AMPH: variants seen among roughly 807,000 people sequenced by gnomAD.
AMPH encodes the protein amphiphysin (Stiff-Mann syndrome with breast cancer 128kD autoantigen).
In AMPH, 49 loss-of-function variants were observed where a neutral mutation model predicts 99.1. That is an observed-to-expected ratio of 0.49 (90% CI 0.39 to 0.63). The LOEUF (loss-of-function observed/expected upper bound fraction) is 0.63. Ranked by LOEUF, AMPH falls within the 20% of genes least tolerant of loss-of-function variation. The probability of loss-of-function intolerance (pLI) is 0.00; values close to 1 mark genes in which losing one functional copy is unlikely to be tolerated. For synonymous variants in AMPH, 314 were observed against 317.3 expected (o/e 0.99, Z 0.11); for missense variants, 759 against 863.4 (o/e 0.88, Z 1.52).
intron 20 of AMPH, among the ~76,000 whole-genome samples, chr7:38,386,286 GA>G (rs1188023951): frequency 6.6e-6 from 1 of 152,108 alleles, no homozygotes; most frequent in Admixed American, 6.5e-5. Flanking sequence ...TGAAGCTCTA[GA>G]AAGCATATAA....
At position 38,432,173 on chromosome 7, in the gene AMPH, G is replaced by A. The variant is rs373828405; in HGVS notation, c.1158+16C>T. ...GGATCAAGATACATGAAAAAACAGAGTTATTAGTGGCTTACCGTCCATAGG... is the reference window on the plus strand; with the variant it reads ...GGATCAAGATACATGAAAAAACAGAATTATTAGTGGCTTACCGTCCATAGG... On this transcript the variant is annotated intron_variant, in intron 13 of 20. Coordinates refer to ENST00000356264, the MANE Select transcript of AMPH (RefSeq NM_001635.4). 5 of 1,609,498 alleles carry A rather than the reference G, an allele frequency of 3.1e-6. No individual in the cohort carries two copies. The highest frequency in any genetic ancestry group is 4.3e-6 in the Non-Finnish European group (5 of 1,175,722).
chr7:38,563,082 G>C (rs1303907692), intron 1 of AMPH, among the ~76,000 whole-genome samples: 1 of 152,228 alleles, frequency 6.6e-6, no homozygotes, highest in Non-Finnish European at 1.5e-5. Context: ...GCATTAGAAA[G>C]AGATTTTTCA....
chr7:38,551,431 A>G (rs548577973), intron 1 of AMPH, among the ~76,000 whole-genome samples: 47 of 152,286 alleles, frequency 3.1e-4, no homozygotes, highest in African/African-American at 1.0e-3. Flanking sequence ...GTTGAAGTAA[A>G]TGCAGGTTTT....
intron 1 of AMPH, among the ~76,000 whole-genome samples, chr7:38,571,082 T>C (rs1350885319): frequency 2.0e-5 from 1 of 49,222 alleles, no homozygotes; most frequent in Admixed American, 3.3e-4. Flanking sequence ...AGAATATATA[T>C]ATTCATATAT....
At chr7:38,558,597 T>A (rs1177840993) in intron 1 of AMPH, among the ~76,000 whole-genome samples, 2 of 152,038 alleles carry the variant, frequency 1.3e-5, no homozygotes, top group Non-Finnish European at 2.9e-5. Context: ...AGGGAGGAGG[T>A]GGTTAGTAAA....
chr7:38,613,980 A>C (rs565489608), intron 1 of AMPH, among the ~76,000 whole-genome samples: 1 of 152,088 alleles, frequency 6.6e-6, no homozygotes, highest in Non-Finnish European at 1.5e-5. Flanking sequence ...AGTCCACCCC[A>C]TAGTCTAAAG....
intron 1 of AMPH, among the ~76,000 whole-genome samples, chr7:38,629,275 G>C (rs552340134): frequency 3.9e-5 from 6 of 152,234 alleles, no homozygotes; most frequent in South Asian, 4.2e-4. Flanking sequence ...GACTCAGAAA[G>C]GGGGGCAGAA....
intron 1 of AMPH, among the ~76,000 whole-genome samples, chr7:38,585,793 T>C (rs140967172): frequency 2.0e-5 from 3 of 152,366 alleles, no homozygotes; most frequent in Non-Finnish European, 2.9e-5. Context: ...TATGGTAGAA[T>C]TTCTAAATCT....
intron 1 of AMPH, among the ~76,000 whole-genome samples, chr7:38,565,046 C>A (rs1447501409): frequency 1.3e-5 from 2 of 151,238 alleles, no homozygotes; most frequent in Non-Finnish European, 2.9e-5. Context: ...ATGGCGTGAA[C>A]CCGGGAGGCA....
chr7:38,496,498 A>C (rs929167224), intron 3 of AMPH, among the ~76,000 whole-genome samples: 13 of 152,158 alleles, frequency 8.5e-5, no homozygotes, highest in African/African-American at 3.1e-4. Flanking sequence ...TAGGAAAAAA[A>C]CAGTATGACT....
At chr7:38,570,007 T>A (rs1370195986) in intron 1 of AMPH, among the ~76,000 whole-genome samples, 4 of 152,102 alleles carry the variant, frequency 2.6e-5, no homozygotes, top group African/African-American at 9.7e-5. Flanking sequence ...ACAGCAAAAA[T>A]CTTACACAAC....
chr7:38,485,295 T>A (rs539891541), intron 5 of AMPH, among the ~76,000 whole-genome samples: 13 of 152,020 alleles, frequency 8.6e-5, no homozygotes, highest in Admixed American at 6.6e-4. Flanking sequence ...AGATATTCCA[T>A]GCAAATGGTA....
At chr7:38,608,362 G>A (rs934829854) in intron 1 of AMPH, among the ~76,000 whole-genome samples, 6 of 152,148 alleles carry the variant, frequency 3.9e-5, no homozygotes, top group African/African-American at 7.2e-5. Context: ...TGAAGGCAAC[G>A]TGCTCTCTCT....
chr7:38,453,466 C>T (rs1485074160), intron 11 of AMPH, among the ~76,000 whole-genome samples: 3 of 152,188 alleles, frequency 2.0e-5, no homozygotes, highest in Non-Finnish European at 4.4e-5. Context: ...CAGTTCTTAA[C>T]TTTTCCCATC....
chr7:38,539,479 G>A (rs536566171), intron 1 of AMPH, among the ~76,000 whole-genome samples: 3 of 152,186 alleles, frequency 2.0e-5, no homozygotes, highest in African/African-American at 7.2e-5. Flanking sequence ...TTTCAAAGGG[G>A]GTGGCAACTC....
intron 2 of AMPH, among the ~76,000 whole-genome samples, chr7:38,511,165 T>C (rs1044944206): frequency 6.6e-6 from 1 of 152,164 alleles, no homozygotes; most frequent in African/African-American, 2.4e-5. Context: ...GCACATATCA[T>C]GCACTCAGGA....
intron 11 of AMPH, among the ~76,000 whole-genome samples, chr7:38,447,444 A>AT (rs1453340531): frequency 1.3e-5 from 2 of 152,078 alleles, no homozygotes; most frequent in Admixed American, 6.6e-5. Flanking sequence ...GTAATTTACT[A>AT]TTTTTTTACA....
intron 7 of AMPH, among the ~76,000 whole-genome samples, chr7:38,468,772 A>G (rs1226926222): frequency 6.6e-6 from 1 of 152,248 alleles, no homozygotes; most frequent in Non-Finnish European, 1.5e-5. Flanking sequence ...CAAACAAGCC[A>G]GTGAATGAAG....
At chr7:38,460,148 T>G (rs1787384981) in intron 11 of AMPH, among the ~76,000 whole-genome samples, 1 of 152,110 alleles carries the variant, frequency 6.6e-6, no homozygotes, top group Non-Finnish European at 1.5e-5. Context: ...GATGTCATCG[T>G]ACCCCAGTTA....
Sources: gnomAD v4.1 joint callset for allele counts (sites outside exome capture counted in the v4.1 genomes callset) on GRCh38, gnomAD v4.1.1 for gene constraint, MANE v1.5 for transcripts, NCBI Gene and HGNC (gene_info 2026-07-23, HGNC 2026-07-21) for gene names.